Variants in FNDC3B observed in about 807,000 individuals in gnomAD.
FNDC3B encodes fibronectin type III domain containing 3B.
Under a neutral mutation model 151.5 loss-of-function variants are expected in FNDC3B, and 12 were observed. The observed-to-expected ratio is 0.08, with a 90% CI of 0.05 to 0.13. FNDC3B has a LOEUF of 0.13. FNDC3B is among the 10% of genes least tolerant of loss of function. FNDC3B has a pLI of 1.00. For synonymous variants in FNDC3B, 528 were observed against 549.0 expected, an observed-to-expected ratio of 0.96 and a Z score of 0.54; for missense variants, 1,214 against 1,505.3, an observed-to-expected ratio of 0.81 and a Z score of 3.20.
chr3:172,391,351 T>C (rs962232791), intron 25 of FNDC3B, among the ~76,000 whole-genome samples: 4 of 152,208 alleles, frequency 2.6e-5, no homozygotes, highest in Non-Finnish European at 4.4e-5. Flanking sequence ...GTCCTGGATC[T>C]AGCTCCATGT....
chr3:172,218,982 A>C (rs986861853), intron 3 of FNDC3B, among the ~76,000 whole-genome samples: 10 of 152,222 alleles, frequency 6.6e-5, no homozygotes, highest in African/African-American at 2.4e-4. Context: ...TTGCTTTCAA[A>C]GGAAAGTGAA....
chr3:172,179,849 C>G (rs1723793920), intron 3 of FNDC3B, among the ~76,000 whole-genome samples: 1 of 117,834 alleles, frequency 8.5e-6, no homozygotes, highest in African/African-American at 3.7e-5. Flanking sequence ...CAGAGTGAGG[C>G]CCTGTCTCCA....
intron 3 of FNDC3B, among the ~76,000 whole-genome samples, chr3:172,190,250 A>T (rs141162351): frequency 6.6e-6 from 1 of 152,188 alleles, no homozygotes; most frequent in Non-Finnish European, 1.5e-5. Context: ...GCATGATGCT[A>T]TGGGAATGGT....
intron 3 of FNDC3B, among the ~76,000 whole-genome samples, chr3:172,222,664 G>A (rs1169926599): frequency 3.9e-5 from 6 of 152,120 alleles, no homozygotes; most frequent in South Asian, 2.1e-4. Flanking sequence ...GATAGGGTTC[G>A]CTGCTGATTA....
intron 1 of FNDC3B, among the ~76,000 whole-genome samples, chr3:172,043,005 C>A (rs1327282857): frequency 6.6e-6 from 1 of 152,004 alleles, no homozygotes; most frequent in East Asian, 1.9e-4. Context: ...ACCTCCGCCT[C>A]CCGGATTCAA....
At chr3:172,381,116 C>T (rs1169116721) in intron 25 of FNDC3B, 23 bp downstream of exon 25, 2 of 1,611,922 alleles carry the variant, frequency 1.2e-6, no homozygotes, top group East Asian at 2.2e-5. Context: ...GTGCATGGCA[C>T]ATGTGCAACT....
At chr3:172,236,965 CA>C (rs1425920519) in intron 4 of FNDC3B, among the ~76,000 whole-genome samples, 4 of 152,188 alleles carry the variant, frequency 2.6e-5, no homozygotes, top group Non-Finnish European at 5.9e-5. Flanking sequence ...AAAGTACTCA[CA>C]GTTGATTTCA....
At chr3:172,181,416 A>AC (rs1723897784) in intron 3 of FNDC3B, among the ~76,000 whole-genome samples, 1 of 112,062 alleles carries the variant, frequency 8.9e-6, no homozygotes, top group African/African-American at 2.8e-5. Flanking sequence ...AAAAAAAAAC[A>AC]AAAAAAAACA....
intron 16 of FNDC3B, chr3:172,338,358 GA>G (rs1039579400): frequency 2.0e-5 from 3 of 150,352 alleles, no homozygotes; most frequent in Non-Finnish European, 4.4e-5. Context: ...GAGAGTATCA[GA>G]GGCAGGAAGG....
chr3:172,107,679 C>T (rs543616578), intron 1 of FNDC3B, among the ~76,000 whole-genome samples: 2 of 152,246 alleles, frequency 1.3e-5, no homozygotes, highest in East Asian at 3.9e-4. Flanking sequence ...ATCTGGCCTG[C>T]TCAGCTACCT....
chr3:172,390,142 T>C (rs1024274466), intron 25 of FNDC3B, among the ~76,000 whole-genome samples: 1 of 152,222 alleles, frequency 6.6e-6, no homozygotes, highest in African/African-American at 2.4e-5. Context: ...GCTGTGGAGA[T>C]ATGGAAATAA....
At chr3:172,313,306 A>G (rs901961514) in intron 11 of FNDC3B, among the ~76,000 whole-genome samples, 3 of 152,214 alleles carry the variant, frequency 2.0e-5, no homozygotes, top group African/African-American at 7.2e-5. Context: ...AATTGAAGGA[A>G]CACCAAGATT....
intron 4 of FNDC3B, among the ~76,000 whole-genome samples, chr3:172,245,878 A>C (rs1350648647): frequency 6.6e-6 from 1 of 152,242 alleles, no homozygotes. Flanking sequence ...AACTATTAAC[A>C]CAGTAGAAAC....
At chr3:172,379,855 C>T (rs1162900815) in intron 24 of FNDC3B, among the ~76,000 whole-genome samples, 2 of 152,122 alleles carry the variant, frequency 1.3e-5, no homozygotes, top group African/African-American at 4.8e-5. Context: ...AATACAATGG[C>T]ACATTGATAG....
chr3:172,277,135 CGT>C (rs147216010), intron 6 of FNDC3B, among the ~76,000 whole-genome samples: 1 of 151,938 alleles, frequency 6.6e-6, no homozygotes, highest in South Asian at 2.1e-4. Context: ...TGTGAAAAAA[CGT>C]GTGTGTGTGT....
intron 4 of FNDC3B, among the ~76,000 whole-genome samples, chr3:172,239,546 A>G (rs1428099935): frequency 6.6e-6 from 1 of 152,060 alleles, no homozygotes; most frequent in African/African-American, 2.4e-5. Flanking sequence ...GTGGGTTCAT[A>G]TGTGTCCACG....
chr3:172,328,940 GT>G lies in FNDC3B; in HGVS notation c.1255-9del. The G allele has an allele frequency of 6.7e-7, 1 of 1,503,314 alleles. No individual in the cohort carries two copies. Among genetic ancestry groups the G allele is most frequent in the South Asian group, 1.2e-5 (1 of 84,658 alleles). The allele number at this position is 1,503,314 out of a possible 1,614,324, so 93.1% of individuals were successfully genotyped here. The stretch of plus-strand genomic sequence containing the variant: ...TTTTAAGTATATGCATTGTTTCATT[GT>G]TTACTTTTAGGGAAAAAGAAATAGT... On this transcript the variant is annotated splice_polypyrimidine_tract_variant and intron_variant, in intron 11 of 25. Coordinates refer to ENST00000415807, the MANE Select transcript of FNDC3B (RefSeq NM_022763.4).
At chr3:172,350,377 T>C (rs1199038979) in intron 21 of FNDC3B, among the ~76,000 whole-genome samples, 2 of 152,360 alleles carry the variant, frequency 1.3e-5, no homozygotes, top group East Asian at 3.9e-4. Context: ...GCCATGTTCT[T>C]GTCCTTCTGT....
At chr3:172,065,143 C>T (rs1397788545) in intron 1 of FNDC3B, among the ~76,000 whole-genome samples, 5 of 152,246 alleles carry the variant, frequency 3.3e-5, no homozygotes, top group South Asian at 4.1e-4. Flanking sequence ...ACCAGCCTGA[C>T]CAACATGGTG....
Sources: allele counts gnomAD v4.1 joint callset (sites outside exome capture counted in the v4.1 genomes callset), GRCh38; gene constraint gnomAD v4.1.1; transcripts MANE v1.5; gene names NCBI Gene and HGNC (gene_info 2026-07-23, HGNC 2026-07-21).